The following CUX1 variants were observed in gnomAD, a reference collection of about 807,000 sequenced individuals.
CUX1 encodes protein CASP.
Under a neutral mutation model 158.8 loss-of-function variants are expected in CUX1, and 31 were observed. The observed-to-expected ratio is 0.20, with a 90% CI of 0.15 to 0.26. The LOEUF is 0.26. CUX1 is among the 10% of genes least tolerant of loss of function. CUX1 has a pLI of 1.00. For missense variants in CUX1, 1,589 were observed against 2,014.6 expected, an observed-to-expected ratio of 0.79 and a Z score of 4.04; for synonymous variants, 879 against 862.1, an observed-to-expected ratio of 1.02 and a Z score of -0.34.
chr7:102,049,234 C>T (rs955155272), intron 3 of CUX1, among the ~76,000 whole-genome samples: 1 of 152,236 alleles, frequency 6.6e-6, no homozygotes, highest in Non-Finnish European at 1.5e-5. Context: ...AGACTCAGCG[C>T]AGCCCTTTGG....
chr7:102,276,253 T>G (rs1301395951), intron 17 of CUX1, among the ~76,000 whole-genome samples: 2 of 152,158 alleles, frequency 1.3e-5, no homozygotes, highest in Non-Finnish European at 2.9e-5. Flanking sequence ...TTTAACGTTT[T>G]TAGAGGAAGC....
chr7:101,972,487 G>A (rs568816693), intron 2 of CUX1, among the ~76,000 whole-genome samples: 5 of 152,328 alleles, frequency 3.3e-5, no homozygotes, highest in South Asian at 2.1e-4. Context: ...AGAGAGAAGC[G>A]TGTCATGGAT....
chr7:101,819,833 A>G (rs889944315), intron 1 of CUX1, among the ~76,000 whole-genome samples: 1 of 152,124 alleles, frequency 6.6e-6, no homozygotes, highest in Admixed American at 6.5e-5. Context: ...GTCCACAGAG[A>G]GCCCTTTGAC....
chr7:102,044,176 A>G (rs772239428), intron 3 of CUX1, among the ~76,000 whole-genome samples: 32 of 148,832 alleles, frequency 2.2e-4, no homozygotes, highest in Admixed American at 6.7e-4. Context: ...TCCTTAGCCC[A>G]TTTTCCGTTT....
intron 2 of CUX1, among the ~76,000 whole-genome samples, chr7:102,012,076 G>T (rs971516207): frequency 6.6e-5 from 10 of 152,084 alleles, no homozygotes; most frequent in African/African-American, 2.4e-4. Context: ...CTACAGAAAG[G>T]ACTCTTTGAA....
At position 102,210,918 on chromosome 7, in the gene CUX1, C is replaced by T. The variant is rs137905684; in HGVS notation, c.3130+5748C>T. 5.9e-5 allele frequency among the ~76,000 whole-genome samples: 9 copies of T among 152,290 alleles called. No individual in the cohort carries two copies. In the East Asian group the frequency reaches 1.7e-3, roughly 29 times the overall value. On this transcript the variant is annotated intron_variant, in intron 20 of 23. Coordinates refer to ENST00000292535, the MANE Select transcript of CUX1 (RefSeq NM_181552.4). The stretch of plus-strand genomic sequence containing the variant: ...CAGGTCCACGTTCCTTTTGAATGTG[C>T]ATGCGTATCATGGTCATGGCTCTTA...
chr7:101,903,713 C>T (rs751428492), intron 1 of CUX1, among the ~76,000 whole-genome samples: 11 of 152,122 alleles, frequency 7.2e-5, no homozygotes, highest in Non-Finnish European at 1.3e-4. Flanking sequence ...TCCGAGACAG[C>T]GTCTCTCACA....
At chr7:102,216,729 CAG>C (rs1198693175) in intron 20 of CUX1, among the ~76,000 whole-genome samples, 11 of 146,850 alleles carry the variant, frequency 7.5e-5, no homozygotes, top group Admixed American at 2.1e-4. Context: ...CACATGCACA[CAG>C]AGTCCCACAC....
intron 18 of CUX1, among the ~76,000 whole-genome samples, chr7:102,203,490 G>A (rs1191767250): frequency 6.6e-6 from 1 of 152,194 alleles, no homozygotes; most frequent in African/African-American, 2.4e-5. Flanking sequence ...GGTGAAGGGG[G>A]GCGACTAGAA....
At chr7:102,070,463 G>A in intron 4 of CUX1, 46 bp downstream of exon 4, 1 of 1,471,740 alleles carries the variant, frequency 6.8e-7, no homozygotes, top group South Asian at 1.2e-5. Flanking sequence ...CGTTGTGTCT[G>A]GTGAGTCGGT....
chr7:102,169,321 G>A (rs529843401), intron 9 of CUX1, among the ~76,000 whole-genome samples: 3 of 151,890 alleles, frequency 2.0e-5, no homozygotes, highest in Admixed American at 6.6e-5. Flanking sequence ...CACCCGCCTC[G>A]GCTTCCCAAA....
intron 2 of CUX1, among the ~76,000 whole-genome samples, chr7:101,941,462 GAAGA>G (rs1191737620): frequency 1.3e-5 from 2 of 152,232 alleles, no homozygotes; most frequent in East Asian, 3.8e-4. Flanking sequence ...GACGAAAATG[GAAGA>G]AAGGGCTCAC....
intron 1 of CUX1, among the ~76,000 whole-genome samples, chr7:101,873,182 T>TA (rs1343350922): frequency 6.6e-6 from 1 of 150,762 alleles, no homozygotes; most frequent in Non-Finnish European, 1.5e-5. Flanking sequence ...CAGCTTCTTT[T>TA]TTTTTTTTTT....
At chr7:102,104,586 A>T in intron 6 of CUX1, 127 bp downstream of exon 6, 2 of 1,245,218 alleles carry the variant, frequency 1.6e-6, no homozygotes, top group Non-Finnish European at 1.1e-6. Context: ...TATAAGGGGT[A>T]AAATGTTTCA....
At chr7:101,999,701 T>C (rs1196023037) in intron 2 of CUX1, among the ~76,000 whole-genome samples, 6 of 152,244 alleles carry the variant, frequency 3.9e-5, no homozygotes, top group African/African-American at 1.2e-4. Context: ...CTTCCAAGAT[T>C]AAACCTTTCC....
intron 1 of CUX1, among the ~76,000 whole-genome samples, chr7:101,830,738 C>T (rs1310824283): frequency 5.9e-5 from 9 of 152,150 alleles, no homozygotes; most frequent in East Asian, 3.9e-4. Context: ...ATTATATAAG[C>T]GTGAGCCACC....
chr7:101,987,609 G>A lies in CUX1; in HGVS notation c.142-40489G>A, dbSNP rs562461227. 5.9e-5 allele frequency among the ~76,000 whole-genome samples: 9 copies of A among 152,342 alleles called. No homozygotes were observed. The South Asian group carries it at 1.0e-3, about 18-fold the overall frequency. On this transcript the variant is annotated intron_variant, in intron 2 of 23. Coordinates refer to ENST00000292535, the MANE Select transcript of CUX1 (RefSeq NM_181552.4). Reference sequence around the variant, plus strand: ...TCCCTTATAAGCCTGCTGACTCACCGCCTGTTCTCCATCTTCTGTCTTCCA... The same window carrying A: ...TCCCTTATAAGCCTGCTGACTCACCACCTGTTCTCCATCTTCTGTCTTCCA...
At chr7:101,983,423 T>A (rs986164165) in intron 2 of CUX1, among the ~76,000 whole-genome samples, 9 of 152,168 alleles carry the variant, frequency 5.9e-5, no homozygotes, top group African/African-American at 2.2e-4. Context: ...GTTCAGTTTT[T>A]TTCCTCTGTG....
chr7:102,210,226 A>G (rs1757146532), intron 20 of CUX1, among the ~76,000 whole-genome samples: 1 of 152,110 alleles, frequency 6.6e-6, no homozygotes, highest in Admixed American at 6.6e-5. Context: ...CCTCCCAAGT[A>G]GCTGGGATTA....
Sources: allele counts gnomAD v4.1 joint callset (sites outside exome capture counted in the v4.1 genomes callset), GRCh38; gene constraint gnomAD v4.1.1; transcripts MANE v1.5; gene names NCBI Gene and HGNC (gene_info 2026-07-23, HGNC 2026-07-21).